The following MYOCD variants were observed in gnomAD, a reference collection of about 807,000 sequenced individuals.
MYOCD encodes the protein myocardin.
MYOCD carries 32 observed loss-of-function variants against 96.1 expected under a neutral mutation model. The observed-to-expected ratio is 0.33, with a 90% CI of 0.25 to 0.45. The LOEUF (loss-of-function observed/expected upper bound fraction) is 0.45. Among genes scored for constraint, MYOCD ranks in the 20% least tolerant of loss-of-function variants. The pLI is 1.00. For missense variants in MYOCD, 1,133 were observed against 1,200.6 expected (o/e 0.94, Z 0.83); for synonymous variants, 469 against 469.0 (o/e 1.00, Z 0.00).
chr17:12,749,533 C>CA (rs2032765173), intron 9 of MYOCD, among the ~76,000 whole-genome samples: 1 of 84,490 alleles, frequency 1.2e-5, no homozygotes, highest in Admixed American at 1.4e-4. Context: ...TGTCTCAAAA[C>CA]TTATATATAT....
intron 2 of MYOCD, among the ~76,000 whole-genome samples, chr17:12,709,186 G>A (rs960510161): frequency 6.6e-6 from 1 of 152,186 alleles, no homozygotes; most frequent in Non-Finnish European, 1.5e-5. Flanking sequence ...TGTAATTCTA[G>A]TGAAACTAAT....
At chr17:12,754,586 G>A (rs993978948) in intron 10 of MYOCD, among the ~76,000 whole-genome samples, 3 of 152,308 alleles carry the variant, frequency 2.0e-5, no homozygotes, top group Non-Finnish European at 2.9e-5. Context: ...GCCAGTGGCC[G>A]GAGCAGAATG....
In MYOCD at chr17:12,745,166, A is replaced by G. The variant is rs141411924; in HGVS notation, c.971+730A>G. Among the ~76,000 whole-genome samples, 501 of 152,264 alleles carry G rather than the reference A, an allele frequency of 3.3e-3. 5 individuals carry two copies. The highest frequency in any genetic ancestry group is 0.012 in the Admixed American group (191 of 15,296). ...TCCTGAGCCCAGGTTGTGTGACCACATTGCTAGGTCACCTTTTATTTTTTT... is the reference window on the plus strand; with the variant it reads ...TCCTGAGCCCAGGTTGTGTGACCACGTTGCTAGGTCACCTTTTATTTTTTT... On this transcript the variant is annotated intron_variant, in intron 8 of 13. Coordinates refer to ENST00000425538, the MANE Select transcript of MYOCD (RefSeq NM_001146312.3).
intron 1 of MYOCD, among the ~76,000 whole-genome samples, chr17:12,674,468 T>G (rs1373422201): frequency 1.3e-5 from 2 of 152,056 alleles, no homozygotes; most frequent in African/African-American, 4.8e-5. Flanking sequence ...TTTTTAAACT[T>G]CAGTTTATTT....
intron 5 of MYOCD, among the ~76,000 whole-genome samples, chr17:12,729,506 T>C (rs1258974562): frequency 2.0e-5 from 3 of 151,680 alleles, no homozygotes. Context: ...CCTCTAGAAA[T>C]CTGAGGGCAG....
At chr17:12,672,258 T>C (rs1300211105) in intron 1 of MYOCD, 1 of 152,190 alleles carries the variant, frequency 6.6e-6, no homozygotes, top group African/African-American at 2.4e-5. Flanking sequence ...TCTGGTGGCA[T>C]GTGAGTTGCA....
chr17:12,666,673 T>C (rs1909394983), intron 1 of MYOCD, among the ~76,000 whole-genome samples: 1 of 152,104 alleles, frequency 6.6e-6, no homozygotes, highest in Non-Finnish European at 1.5e-5. Context: ...TCCAAACAAA[T>C]GTATTTCCCA....
Position 12,753,226 on chromosome 17 carries a change from A to G in MYOCD, c.1938A>G (p.Pro646=). The change falls in exon 10 of 14, where the codon CCA becomes CCG. Residue 646 remains proline (P), a synonymous_variant. Coordinates refer to ENST00000425538, the MANE Select transcript of MYOCD (RefSeq NM_001146312.3). The part of the protein sequence containing the change: ...QHSPLGAVKS[P]QHISLPPSPN... The stretch of plus-strand genomic sequence containing the variant: ...CACCGCTGGGGGCTGTGAAAAGCCC[A>G]CAGCACATCAGTTTGCCCCCATCAC... 6.2e-7 allele frequency: 1 copy of G among 1,614,126 alleles called. No individual in the cohort carries two copies. Among genetic ancestry groups the G allele is most frequent in the Admixed American group, 1.7e-5 (1 of 60,026 alleles).
intron 1 of MYOCD, among the ~76,000 whole-genome samples, chr17:12,688,113 G>C (rs1345731450): frequency 6.6e-6 from 1 of 152,154 alleles, no homozygotes; most frequent in Non-Finnish European, 1.5e-5. Context: ...TAGTGTTATT[G>C]GTTTAGGACA....
At chr17:12,740,990 A>G (rs576410028) in intron 7 of MYOCD, among the ~76,000 whole-genome samples, 43 of 152,216 alleles carry the variant, frequency 2.8e-4, no homozygotes, top group African/African-American at 1.0e-3. Flanking sequence ...CACCTGCCTC[A>G]GCCTCCCAGA....
chr17:12,755,719 A>G (rs1567601367), intron 10 of MYOCD, among the ~76,000 whole-genome samples: 1 of 152,154 alleles, frequency 6.6e-6, no homozygotes, highest in Non-Finnish European at 1.5e-5. Context: ...TAAAAGTACA[A>G]AAATTAGCCG....
chr17:12,752,009 A>T (rs902914867), intron 9 of MYOCD, among the ~76,000 whole-genome samples: 5 of 152,144 alleles, frequency 3.3e-5, no homozygotes, highest in African/African-American at 1.2e-4. Flanking sequence ...GCCCTCACCA[A>T]GGAAGCCAGA....
chr17:12,737,264 A>G (rs200151991), intron 6 of MYOCD, among the ~76,000 whole-genome samples: 9 of 151,184 alleles, frequency 6.0e-5, no homozygotes, highest in African/African-American at 1.9e-4. Flanking sequence ...TCAAAGGGGG[A>G]AAAAAAAAGA....
In MYOCD at chr17:12,753,283, C is replaced by T. The variant is rs147961831; in HGVS notation, c.1995C>T (p.Ser665=). Residue 665 remains serine (S), a synonymous_variant, in exon 10 of 14, where the codon TCC becomes TCT. Transcript: ENST00000425538. ...ACCCTCACTTTCTGCCCTCATCCTC[C>T]GGGGCCCAGGGAGAAGGGCACAGGG... is the stretch of plus-strand genomic sequence containing the variant. ...PNNPHFLPSS[S]GAQGEGHRVS... is the part of the protein sequence containing the mutation. The T allele has an allele frequency of 4.3e-5, 70 of 1,613,420 alleles. No homozygotes were observed. Among genetic ancestry groups the T allele is most frequent in the South Asian group, 1.4e-4 (13 of 90,996 alleles).
chr17:12,741,123 C>T lies in MYOCD; in HGVS notation c.717+1795C>T, dbSNP rs188282273. On this transcript the variant is annotated intron_variant, in intron 7 of 13. Coordinates refer to ENST00000425538, the MANE Select transcript of MYOCD (RefSeq NM_001146312.3). ...TTAATGAATGTTAAAATGACTCTTACGGGACTTAAAAAAGATTGTAAATTG... is the reference window on the plus strand; with the variant it reads ...TTAATGAATGTTAAAATGACTCTTATGGGACTTAAAAAAGATTGTAAATTG... Among the ~76,000 whole-genome samples the T allele has an allele frequency of 4.5e-4, 69 of 152,216 alleles. No homozygotes were observed. In the East Asian group the frequency reaches 6.2e-3, roughly 14 times the overall value.
chr17:12,765,760 T>C lies in MYOCD; in HGVS notation c.*2116T>C, dbSNP rs927550215. 2.0e-5 allele frequency: 3 copies of C among 152,212 alleles called. No homozygotes were observed. Among genetic ancestry groups the C allele is most frequent in the Admixed American group, 2.0e-4 (3 of 15,270 alleles). 9.4% of individuals were successfully genotyped at this position (152,212 alleles called of 1,614,324 possible). A position where few individuals can be genotyped will look rare whatever the true frequency, so the allele number is the denominator to read the frequency against. On this transcript the variant is annotated 3_prime_UTR_variant, in exon 14 of 14. Transcript: ENST00000425538. Reference sequence around the variant, plus strand: ...CGGCTCCAACCCGATGACTCACAGCTACTTGCTTATCGTGAACAAGCTCAT... The same window carrying C: ...CGGCTCCAACCCGATGACTCACAGCCACTTGCTTATCGTGAACAAGCTCAT...
At chr17:12,704,084 G>GT (rs767761282) in intron 1 of MYOCD, among the ~76,000 whole-genome samples, 4 of 152,058 alleles carry the variant, frequency 2.6e-5, no homozygotes, top group Non-Finnish European at 5.9e-5. Context: ...CATTTTCCTA[G>GT]TTTTTTGTGT....
chr17:12,739,073 A>G, intron 6 of MYOCD, 130 bp from the exon 7 acceptor site: 2 of 1,014,638 alleles, frequency 2.0e-6, no homozygotes, highest in South Asian at 3.3e-5. Flanking sequence ...CCACTGAGGG[A>G]GTAGGCTGAT....
At chr17:12,748,382 A>G (rs1184853938) in intron 9 of MYOCD, among the ~76,000 whole-genome samples, 1 of 152,168 alleles carries the variant, frequency 6.6e-6, no homozygotes, top group East Asian at 1.9e-4. Context: ...CTTTGCTTCA[A>G]AATAATTCAG....
Sources: gnomAD v4.1 joint callset for allele counts (sites outside exome capture counted in the v4.1 genomes callset) on GRCh38, gnomAD v4.1.1 for gene constraint, MANE v1.5 for transcripts, NCBI Gene and HGNC (gene_info 2026-07-23, HGNC 2026-07-21) for gene names.